FBXO38: variants seen among roughly 807,000 people sequenced by gnomAD.
FBXO38 encodes F-box only protein 38.
A neutral mutation model predicts 131.9 loss-of-function variants in FBXO38; 53 were observed. The observed-to-expected ratio is 0.40, with a 90% CI of 0.32 to 0.51. The LOEUF (loss-of-function observed/expected upper bound fraction) is 0.51. FBXO38 is among the 20% of genes least tolerant of loss of function. The pLI, the probability that FBXO38 is intolerant of heterozygous loss-of-function variation, is 0.53. For missense variants in FBXO38, 1,076 were observed against 1,475.6 expected, an observed-to-expected ratio of 0.73 and a Z score of 4.44; for synonymous variants, 452 against 505.6, an observed-to-expected ratio of 0.89 and a Z score of 1.42.
intron 1 of FBXO38, among the ~76,000 whole-genome samples, chr5:148,393,191 GTGTGTGTGT>G (rs1758297956): frequency 1.0e-5 from 1 of 100,468 alleles, no homozygotes; most frequent in African/African-American, 4.5e-5. Context: ...GAAGAGGGGT[GTGTGTGTGT>G]GTGTGTGTGT....
Position 148,399,011 on chromosome 5 carries a change from G to T in FBXO38, c.141G>T (p.Leu47=). The T allele has an allele frequency of 3.1e-6, 5 of 1,613,290 alleles. No homozygotes were observed. The highest frequency in any genetic ancestry group is 3.4e-6 in the Non-Finnish European group (4 of 1,179,474). ...TTCTCTCACAAAGGTACCTCCCTCTGCAGGATATCATGTGTATGGAATGTC... is the reference window on the plus strand; with the variant it reads ...TTCTCTCACAAAGGTACCTCCCTCTTCAGGATATCATGTGTATGGAATGTC... ...VLCHIFRYLP[L]QDIMCMECLS... is the part of the protein sequence containing the mutation. The change falls in exon 3 of 22, where the codon CTG becomes CTT. Residue 47 remains leucine, a synonymous_variant. Coordinates refer to ENST00000340253, the MANE Select transcript of FBXO38 (RefSeq NM_205836.3).
intron 1 of FBXO38, among the ~76,000 whole-genome samples, chr5:148,385,611 G>T (rs1757872186): frequency 6.6e-6 from 1 of 152,146 alleles, no homozygotes; most frequent in Non-Finnish European, 1.5e-5. Flanking sequence ...CCATCATCCT[G>T]TTGGGGGGTT....
At chr5:148,438,824 C>T (rs1754503677) in intron 18 of FBXO38, among the ~76,000 whole-genome samples, 2 of 151,992 alleles carry the variant, frequency 1.3e-5, no homozygotes, top group African/African-American at 4.8e-5. Context: ...TAATGATATA[C>T]CCAGGATTAT....
intron 15 of FBXO38, among the ~76,000 whole-genome samples, chr5:148,431,216 T>C (rs1324242942): frequency 1.3e-5 from 2 of 152,212 alleles, no homozygotes; most frequent in Admixed American, 6.5e-5. Flanking sequence ...GTATTGTTGA[T>C]ACTAGCGGAT....
intron 15 of FBXO38, chr5:148,433,167 G>A: frequency 3.1e-6 from 1 of 324,798 alleles, no homozygotes; most frequent in Admixed American, 4.8e-5. Context: ...CTAGAAGTAG[G>A]AATGTTTATT....
intron 8 of FBXO38, among the ~76,000 whole-genome samples, 164 bp downstream of exon 8, chr5:148,409,381 T>A (rs972502884): frequency 6.6e-5 from 10 of 152,210 alleles, no homozygotes; most frequent in Admixed American, 3.9e-4. Flanking sequence ...AAGTATAACA[T>A]CATGGTAGTC....
At chr5:148,425,170 T>A (rs1753642317) in intron 13 of FBXO38, among the ~76,000 whole-genome samples, 1 of 152,200 alleles carries the variant, frequency 6.6e-6, no homozygotes, top group African/African-American at 2.4e-5. Context: ...TAGCTTAGTT[T>A]TAAAATTATT....
intron 8 of FBXO38, 111 bp from the exon 9 acceptor site, chr5:148,410,524 G>GT (rs1752689084): frequency 7.9e-7 from 1 of 1,269,588 alleles, no homozygotes; most frequent in Non-Finnish European, 1.1e-6. Flanking sequence ...CCAGTCTCAG[G>GT]TACGTCTTTG....
intron 17 of FBXO38, among the ~76,000 whole-genome samples, chr5:148,435,852 T>C (rs62387740): frequency 0.054 from 8,157 of 152,302 alleles, 393 homozygotes; most frequent in Admixed American, 0.14. Flanking sequence ...GTGTTATTAA[T>C]TGGCCTAATT....
chr5:148,428,365 A>G (rs1753845167), intron 15 of FBXO38, among the ~76,000 whole-genome samples: 1 of 152,212 alleles, frequency 6.6e-6, no homozygotes, highest in Non-Finnish European at 1.5e-5. Context: ...CTTCCTGTGT[A>G]TACCCCTCTT....
chr5:148,391,916 T>G (rs772847143), intron 1 of FBXO38, among the ~76,000 whole-genome samples: 2 of 152,228 alleles, frequency 1.3e-5, no homozygotes, highest in Non-Finnish European at 2.9e-5. Context: ...TATTTGTCTT[T>G]TTTATCATAC....
chr5:148,410,557 ATACACT>A, intron 8 of FBXO38, 72 bp from the exon 9 acceptor site: 3 of 1,536,142 alleles, frequency 2.0e-6, no homozygotes, highest in South Asian at 2.3e-5. Flanking sequence ...AAACGGACTA[ATACACT>A]TATATTAGGA....
At chr5:148,431,425 C>T (rs975105705) in intron 15 of FBXO38, among the ~76,000 whole-genome samples, 1 of 151,982 alleles carries the variant, frequency 6.6e-6, no homozygotes, top group African/African-American at 2.4e-5. Context: ...GTTTGGGTAC[C>T]CTGGAGAGCA....
intron 11 of FBXO38, among the ~76,000 whole-genome samples, chr5:148,416,288 A>G (rs929960347): frequency 1.3e-5 from 2 of 152,150 alleles, no homozygotes; most frequent in African/African-American, 4.8e-5. Context: ...AGGGTAAGGA[A>G]AAAATAAGTG....
At chr5:148,417,537 A>C (rs942471342) in intron 12 of FBXO38, among the ~76,000 whole-genome samples, 1 of 152,194 alleles carries the variant, frequency 6.6e-6, no homozygotes, top group Non-Finnish European at 1.5e-5. Context: ...CTCCTAGACC[A>C]ATGGATAGCA....
chr5:148,393,484 C>T (rs1248784156), intron 1 of FBXO38, among the ~76,000 whole-genome samples: 1 of 152,138 alleles, frequency 6.6e-6, no homozygotes, highest in Non-Finnish European at 1.5e-5. Context: ...TTAATTCCTG[C>T]TCTCCCTTCA....
chr5:148,438,533 A>G, intron 18 of FBXO38, 35 bp downstream of exon 18: 2 of 1,579,796 alleles, frequency 1.3e-6, no homozygotes, highest in Non-Finnish European at 1.7e-6. Flanking sequence ...TGATACACAT[A>G]TTGTGGTGTT....
At chr5:148,385,016 C>G (rs967493441) in intron 1 of FBXO38, 1 of 152,174 alleles carries the variant, frequency 6.6e-6, no homozygotes, top group Non-Finnish European at 1.5e-5. Flanking sequence ...TTTTAATCCC[C>G]TTTCCCATTC....
chr5:148,433,503 G>T lies in FBXO38; in HGVS notation c.2733G>T (p.Val911=). 6.2e-7 allele frequency: 1 copy of T among 1,613,204 alleles called. No homozygotes were observed. Among genetic ancestry groups the T allele is most frequent in the South Asian group, 1.1e-5 (1 of 91,002 alleles). ...AATCCACTAGTACAAGTGATCCTGT[G>T]ATCGAGGATGACCATGTGCAGGTAG... is the stretch of plus-strand genomic sequence containing the variant. ...ADKSTSTSDP[V]IEDDHVQVLV... is the part of the protein sequence containing the mutation. Residue 911 remains valine (V), a synonymous_variant, in exon 16 of 22, where the codon GTG becomes GTT. Transcript: ENST00000340253.
Sources: gnomAD v4.1 joint callset for allele counts (sites outside exome capture counted in the v4.1 genomes callset) on GRCh38, gnomAD v4.1.1 for gene constraint, MANE v1.5 for transcripts, NCBI Gene and HGNC (gene_info 2026-07-23, HGNC 2026-07-21) for gene names.